Variants in PLEKHF1 observed in about 807,000 individuals in gnomAD.
PLEKHF1 encodes pleckstrin homology domain-containing family F member 1.
Under a neutral mutation model 4.1 loss-of-function variants are expected in PLEKHF1, and 1 was observed. The ratio of observed to expected loss-of-function variants is 0.24; its 90% CI spans 0.09 to 1.15. The LOEUF is 1.15. PLEKHF1 is among the 50% of genes most tolerant of loss of function. The pLI is 0.52. For missense variants in PLEKHF1, 429 were observed against 400.6 expected (o/e 1.07, Z -0.60); for synonymous variants, 182 against 178.5 (o/e 1.02, Z -0.16).
At chr19:29,669,076 AG>A (rs1219242058) in intron 1 of PLEKHF1, among the ~76,000 whole-genome samples, 1 of 152,068 alleles carries the variant, frequency 6.6e-6, no homozygotes, top group Non-Finnish European at 1.5e-5. Context: ...AAGAGCCTAG[AG>A]GGGGTCTGTG....
intron 1 of PLEKHF1, among the ~76,000 whole-genome samples, chr19:29,666,195 G>C (rs908515599): frequency 3.4e-5 from 5 of 148,292 alleles, no homozygotes; most frequent in Admixed American, 6.7e-5. Flanking sequence ...AAAGCAGAGA[G>C]GTTCCGAGCC....
At chr19:29,665,652 G>T in intron 1 of PLEKHF1, 147 bp downstream of exon 1, 1 of 1,147,100 alleles carries the variant, frequency 8.7e-7, no homozygotes, top group Admixed American at 4.6e-5. Flanking sequence ...CAGTGCCGCT[G>T]ACTCCAGCCC....
At chr19:29,665,940 C>T (rs2145584191) in intron 1 of PLEKHF1, 1 of 470,636 alleles carries the variant, frequency 2.1e-6, no homozygotes, top group East Asian at 1.5e-4. Flanking sequence ...GATGGGACCA[C>T]TGTCCCCCTG....
intron 1 of PLEKHF1, among the ~76,000 whole-genome samples, chr19:29,666,535 G>A (rs571595532): frequency 7.2e-5 from 11 of 152,330 alleles, no homozygotes; most frequent in African/African-American, 2.4e-4. Context: ...CTGGAGGGTG[G>A]GACAGCCCAG....
intron 1 of PLEKHF1, among the ~76,000 whole-genome samples, chr19:29,668,229 A>C (rs1599507815): frequency 6.6e-6 from 1 of 152,110 alleles, no homozygotes; most frequent in African/African-American, 2.4e-5. Context: ...CGCTGGGGTC[A>C]CCCCTCTACC....
chr19:29,673,017 G>A (rs74940451), intron 1 of PLEKHF1, among the ~76,000 whole-genome samples: 2,013 of 152,304 alleles, frequency 0.013, 72 homozygotes, highest in East Asian at 0.098. Context: ...AGCATAGTGC[G>A]AGCTCCAGGG....
intron 1 of PLEKHF1, among the ~76,000 whole-genome samples, chr19:29,665,999 T>A (rs558131432): frequency 6.6e-6 from 1 of 152,038 alleles, no homozygotes; most frequent in East Asian, 1.9e-4. Context: ...TCTGGAGCAG[T>A]TGAGTTTGTG....
intron 1 of PLEKHF1, among the ~76,000 whole-genome samples, chr19:29,669,606 C>A (rs1264856883): frequency 6.6e-6 from 1 of 152,228 alleles, no homozygotes; most frequent in African/African-American, 2.4e-5. Context: ...AGGACCCAAT[C>A]CAGACACTGG....
rs1237104399 is a variant in PLEKHF1 at position 29,674,080 on chromosome 19, C to A, written c.241C>A (p.Pro81Thr). ...CAAGTACCGCAGCCAGCACATCATC[C>A]CCCTGGAGGAGGTCACACTGGAGCT... ...KRKYRSQHIIPLEEVTLELLP... is the reference protein window; with the variant it reads ...KRKYRSQHIITLEEVTLELLP... The change falls in exon 2 of 2, where the codon CCC (proline) becomes ACC (threonine). Residue 81 changes from proline (P) to threonine (T), a missense_variant. Transcript: ENST00000436066. The A allele has an allele frequency of 6.2e-7, 1 of 1,614,070 alleles. No individual in the cohort carries two copies. The highest frequency in any genetic ancestry group is 2.2e-5 in the East Asian group (1 of 44,882).
At position 29,674,318 on chromosome 19, in the gene PLEKHF1, G is replaced by A. The variant is rs1480033368; in HGVS notation, c.479G>A (p.Arg160His). 6 of 1,581,104 alleles carry A rather than the reference G, an allele frequency of 3.8e-6. No individual in the cohort carries two copies. The highest frequency in any genetic ancestry group is 4.3e-6 in the Non-Finnish European group (5 of 1,170,632). ...GACAAGGCCACGGACATCTGCATGC[G>A]CTGCACGCAGACGCGCTTCTCTGCC... The part of the protein sequence containing the change: ...IPDKATDICM[R>H]CTQTRFSALT... The change falls in exon 2 of 2, where the codon CGC (arginine) becomes CAC (histidine). Residue 160 changes from arginine (R) to histidine (H), a missense_variant. Transcript: ENST00000436066.
rs749239943 is a variant in PLEKHF1 at position 29,674,511 on chromosome 19, C to T, written c.672C>T (p.Gly224=). 3 of 1,560,180 alleles carry T rather than the reference C, an allele frequency of 1.9e-6. No homozygotes were observed. Among genetic ancestry groups the T allele is most frequent in the South Asian group, 2.3e-5 (2 of 85,194 alleles). ...GGCAGGAGGAGGCGGAGGAGCAGGG[C>T]GCGGGGTCCCCAGGGCAGCCAGCCC... ...QQRQEEAEEQ[G]AGSPGQPAHL... Residue 224 remains glycine (G), a synonymous_variant, in exon 2 of 2, where the codon GGC becomes GGT. Transcript: ENST00000436066.
intron 1 of PLEKHF1, among the ~76,000 whole-genome samples, chr19:29,672,554 T>C (rs1599510519): frequency 6.6e-6 from 1 of 151,878 alleles, no homozygotes; most frequent in South Asian, 2.1e-4. Flanking sequence ...GGTGGCGGAG[T>C]TATGTGCTGA....
intron 1 of PLEKHF1, among the ~76,000 whole-genome samples, chr19:29,670,152 G>A (rs1458110219): frequency 2.6e-5 from 4 of 152,016 alleles, no homozygotes; most frequent in East Asian, 3.8e-4. Context: ...GGCTGGTCTC[G>A]AACTCCTGAC....
rs368154863 is a variant in PLEKHF1 at position 29,674,028 on chromosome 19, G to C, written c.189G>C (p.Val63=). The change falls in exon 2 of 2, where the codon GTG becomes GTC. Residue 63 remains valine, a synonymous_variant. Transcript: ENST00000436066. ...TCTTCCTCTTTAACGACATCCTGGT[G>C]TATGGCAGCATCGTGCTCAACAAGC... ...RIFFLFNDIL[V]YGSIVLNKRK... 13 of 1,614,022 alleles carry C rather than the reference G, an allele frequency of 8.1e-6. No homozygotes were observed. The African/African-American group carries it at 1.3e-4, about 17-fold the overall frequency.
chr19:29,673,394 T>TC (rs1241256392), intron 1 of PLEKHF1, among the ~76,000 whole-genome samples: 1 of 151,392 alleles, frequency 6.6e-6, no homozygotes, highest in African/African-American at 2.4e-5. Flanking sequence ...AGTAGCACTT[T>TC]TTTTTTTTAA....
chr19:29,673,483 C>G lies in PLEKHF1; in HGVS notation c.-16-341C>G, dbSNP rs940508076. The stretch of plus-strand genomic sequence containing the variant: ...CACTGTAGCCTCAAACTCCTGGGCT[C>G]GAGCCTCCTCTTGCCTCAGCCTTCC... On this transcript the variant is annotated intron_variant, in intron 1 of 1. Coordinates refer to ENST00000436066, the MANE Select transcript of PLEKHF1 (RefSeq NM_024310.5). 2.0e-5 allele frequency among the ~76,000 whole-genome samples: 3 copies of G among 151,946 alleles called. No individual in the cohort carries two copies. The South Asian group carries it at 6.2e-4, about 32-fold the overall frequency.
Position 29,671,446 on chromosome 19 carries a change from G to A in PLEKHF1, c.-16-2378G>A, listed in dbSNP as rs570125850. 2.0e-5 allele frequency among the ~76,000 whole-genome samples: 3 copies of A among 152,182 alleles called. No individual in the cohort carries two copies. Among genetic ancestry groups the A allele is most frequent in the East Asian group, 1.9e-4 (1 of 5,182 alleles). ...TATCTCTCATTGCGTGAGTAGCCCC[G>A]GGTTTTTATCCTTTTCCCTGCTGGT... On this transcript the variant is annotated intron_variant, in intron 1 of 1. Coordinates refer to ENST00000436066, the MANE Select transcript of PLEKHF1 (RefSeq NM_024310.5). The surrounding 1 kb of genome is among the most constrained non-coding windows in gnomAD (Gnocchi z 4.0).
At chr19:29,672,541 T>C (rs1052816602) in intron 1 of PLEKHF1, among the ~76,000 whole-genome samples, 1 of 152,022 alleles carries the variant, frequency 6.6e-6, no homozygotes, top group Non-Finnish European at 1.5e-5. Flanking sequence ...TTGCCACCGA[T>C]ATGGTGGCGG....
At chr19:29,665,660 C>A in intron 1 of PLEKHF1, 155 bp downstream of exon 1, 5 of 1,134,258 alleles carry the variant, frequency 4.4e-6, no homozygotes, top group Non-Finnish European at 5.5e-6. Context: ...CTGACTCCAG[C>A]CCAAGAAGAG....
Sources: gnomAD v4.1 joint callset for allele counts (sites outside exome capture counted in the v4.1 genomes callset) on GRCh38, gnomAD v4.1.1 for gene constraint, Gnocchi (gnomAD v3.1) non-coding constraint, MANE v1.5 for transcripts, NCBI Gene and HGNC (gene_info 2026-07-23, HGNC 2026-07-21) for gene names.